BNC2: variants seen among roughly 807,000 people sequenced by gnomAD.
BNC2 encodes the protein zinc finger protein basonuclin-2.
Under a neutral mutation model 76.3 loss-of-function variants are expected in BNC2, and 20 were observed. The observed-to-expected ratio is 0.26, with a 90% confidence interval of 0.18 to 0.38. BNC2 has a LOEUF of 0.38. Among genes scored for constraint, BNC2 ranks in the 10% least tolerant of loss-of-function variants. The pLI, the probability that BNC2 is intolerant of heterozygous loss-of-function variation, is 1.00. For missense variants in BNC2, 1,382 were observed against 1,399.8 expected, an observed-to-expected ratio of 0.99 and a Z score of 0.20; for synonymous variants, 582 against 514.8, an observed-to-expected ratio of 1.13 and a Z score of -1.77.
At chr9:16,763,449 G>A (rs1048616310) in intron 1 of BNC2, among the ~76,000 whole-genome samples, 10 of 151,878 alleles carry the variant, frequency 6.6e-5, no homozygotes, top group Admixed American at 1.3e-4. Context: ...ATGCACCTGT[G>A]GTCCCAGCTA....
intron 3 of BNC2, among the ~76,000 whole-genome samples, chr9:16,690,862 G>C (rs1823138567): frequency 6.6e-6 from 1 of 152,156 alleles, no homozygotes; most frequent in South Asian, 2.1e-4. Flanking sequence ...GGATGCCAGG[G>C]TGCGGGGTGG....
At chr9:16,684,067 G>A (rs1482620319) in intron 3 of BNC2, among the ~76,000 whole-genome samples, 3 of 152,034 alleles carry the variant, frequency 2.0e-5, no homozygotes, top group Non-Finnish European at 4.4e-5. Context: ...CCCATAGTAT[G>A]TCAATGTACT....
At chr9:16,518,250 A>G (rs1014728715) in intron 5 of BNC2, among the ~76,000 whole-genome samples, 3 of 152,132 alleles carry the variant, frequency 2.0e-5, no homozygotes, top group Admixed American at 6.5e-5. Context: ...CAACATAGGG[A>G]GACCCTGTCT....
At chr9:16,419,871 ATT>A (rs1820675624) in intron 6 of BNC2, among the ~76,000 whole-genome samples, 1 of 152,114 alleles carries the variant, frequency 6.6e-6, no homozygotes, top group South Asian at 2.1e-4. Flanking sequence ...CATTAACATT[ATT>A]TTTATAAGAG....
intron 5 of BNC2, among the ~76,000 whole-genome samples, chr9:16,483,995 A>G (rs1822111132): frequency 6.6e-6 from 1 of 152,206 alleles, no homozygotes; most frequent in East Asian, 1.9e-4. Flanking sequence ...AAATCTACCC[A>G]GAACTCCAAA....
intron 3 of BNC2, among the ~76,000 whole-genome samples, chr9:16,658,716 T>C (rs1822006729): frequency 6.6e-6 from 1 of 152,216 alleles, no homozygotes. Context: ...AAGGAAAGAC[T>C]GTACTTTGCC....
At chr9:16,559,165 A>AGG (rs1818933354) in intron 4 of BNC2, among the ~76,000 whole-genome samples, 1 of 152,236 alleles carries the variant, frequency 6.6e-6, no homozygotes, top group African/African-American at 2.4e-5. Context: ...TTAAGTATCA[A>AGG]CTATATATCA....
At chr9:16,580,274 A>G (rs945338514) in intron 4 of BNC2, 31 of 397,418 alleles carry the variant, frequency 7.8e-5, no homozygotes, top group South Asian at 1.3e-4. Context: ...GGCCTCATGA[A>G]TGGGGAGAGT....
intron 3 of BNC2, among the ~76,000 whole-genome samples, chr9:16,600,346 G>C (rs1349594855): frequency 6.6e-6 from 1 of 152,110 alleles, no homozygotes; most frequent in Non-Finnish European, 1.5e-5. Context: ...ATAAATGTGA[G>C]GCTATTATTT....
At chr9:16,716,758 T>C (rs1336971047) in intron 3 of BNC2, among the ~76,000 whole-genome samples, 3 of 152,226 alleles carry the variant, frequency 2.0e-5, no homozygotes, top group African/African-American at 4.8e-5. Context: ...TTTTACATTA[T>C]GTTTCATCAT....
intron 5 of BNC2, among the ~76,000 whole-genome samples, chr9:16,539,498 A>T (rs549208065): frequency 2.7e-5 from 4 of 148,622 alleles, no homozygotes; most frequent in African/African-American, 9.9e-5. Flanking sequence ...ACTGCACTCC[A>T]GCCTGGGCAA....
Position 16,782,146 on chromosome 9 carries a change from G to A in BNC2, c.4-43661C>T, listed in dbSNP as rs183483377. Among the ~76,000 whole-genome samples, 487 of 152,006 alleles carry A rather than the reference G, an allele frequency of 3.2e-3. 2 individuals are homozygous for A. The highest frequency in any genetic ancestry group is 0.032 in the South Asian group (153 of 4,816). ...CTAAAAATACAAAAATTATCTGGAC[G>A]TGGTGGCGTGCACCTGTAGTCCCAG... is the stretch of plus-strand genomic sequence containing the variant. On this transcript the variant is annotated intron_variant, in intron 1 of 6. Transcript: ENST00000380672.
chr9:16,606,401 T>G (rs1820385825), intron 3 of BNC2, among the ~76,000 whole-genome samples: 1 of 152,166 alleles, frequency 6.6e-6, no homozygotes, highest in African/African-American at 2.4e-5. Context: ...CCCAACCAAA[T>G]CTCATCTTGT....
At chr9:16,580,259 T>C (rs913990057) in intron 4 of BNC2, 1 of 398,024 alleles carries the variant, frequency 2.5e-6, no homozygotes, top group Non-Finnish European at 4.4e-6. Context: ...CTCACTGCTG[T>C]ATTTGGCCTC....
chr9:16,838,326 G>A (rs770148407), intron 1 of BNC2, among the ~76,000 whole-genome samples: 21 of 152,168 alleles, frequency 1.4e-4, no homozygotes, highest in Admixed American at 3.3e-4. Context: ...AGGCCAAGGC[G>A]GGCGGATCAC....
chr9:16,618,596 AAAAG>A (rs1820777080), intron 3 of BNC2, among the ~76,000 whole-genome samples: 5 of 152,226 alleles, frequency 3.3e-5, no homozygotes, highest in Non-Finnish European at 5.9e-5. Flanking sequence ...ACCCTAGGAT[AAAAG>A]AATCTACAAG....
At position 16,584,130 on chromosome 9, in the gene BNC2, T is replaced by C. The variant is rs567628906; in HGVS notation, c.331-1045A>G. ...CAGATTAACAATCTACTGTAACTAC[T>C]TGAACTGCCAGGAAAAGATCTCTCT... On this transcript the variant is annotated intron_variant, in intron 3 of 6. Transcript: ENST00000380672. 5.3e-5 allele frequency among the ~76,000 whole-genome samples: 8 copies of C among 152,304 alleles called. No homozygotes were observed. In the South Asian group the frequency reaches 8.3e-4, roughly 16 times the overall value.
At chr9:16,828,582 G>C (rs1818505113) in intron 1 of BNC2, among the ~76,000 whole-genome samples, 1 of 152,146 alleles carries the variant, frequency 6.6e-6, no homozygotes, top group Non-Finnish European at 1.5e-5. Flanking sequence ...AGTAAAAACA[G>C]GAAAGTTTTC....
chr9:16,782,602 G>T (rs992556219), intron 1 of BNC2, among the ~76,000 whole-genome samples: 1 of 151,948 alleles, frequency 6.6e-6, no homozygotes, highest in Non-Finnish European at 1.5e-5. Context: ...GGCTGACTCT[G>T]AAGAATAAAG....
Sources: allele counts gnomAD v4.1 joint callset (sites outside exome capture counted in the v4.1 genomes callset), GRCh38; gene constraint gnomAD v4.1.1; transcripts MANE v1.5; gene names NCBI Gene and HGNC (gene_info 2026-07-23, HGNC 2026-07-21).